TEAD1: variants seen among roughly 807,000 people sequenced by gnomAD.
The protein encoded by TEAD1 is transcriptional enhancer factor TEF-1.
In TEAD1, 9 loss-of-function variants were observed where a neutral mutation model predicts 54.9. The ratio of observed to expected loss-of-function variants is 0.16; its 90% CI spans 0.10 to 0.29. The LOEUF (loss-of-function observed/expected upper bound fraction) is 0.29, where lower values mean the gene tolerates loss of function less well. Among genes scored for constraint, TEAD1 ranks in the 10% least tolerant of loss-of-function variants. The pLI is 1.00. For missense variants in TEAD1, 387 were observed against 535.9 expected (o/e 0.72, Z 2.74); for synonymous variants, 200 against 187.8 (o/e 1.07, Z -0.53).
intron 3 of TEAD1, among the ~76,000 whole-genome samples, chr11:12,828,708 A>G (rs1946708556): frequency 6.8e-6 from 1 of 147,540 alleles, no homozygotes; most frequent in Non-Finnish European, 1.5e-5. Context: ...GTACCTATTA[A>G]CCAAAAAATC....
At chr11:12,892,707 A>G (rs1226647906) in intron 9 of TEAD1, among the ~76,000 whole-genome samples, 1 of 152,184 alleles carries the variant, frequency 6.6e-6, no homozygotes, top group Admixed American at 6.5e-5. Flanking sequence ...CCCGATTGCC[A>G]GGAGGGTTCT....
intron 2 of TEAD1, among the ~76,000 whole-genome samples, chr11:12,693,324 ATG>A (rs763951304): frequency 1.3e-5 from 2 of 152,208 alleles, no homozygotes; most frequent in Non-Finnish European, 2.9e-5. Flanking sequence ...ATTTAAGAGA[ATG>A]AGTTCCAATG....
chr11:12,874,468 A>G (rs2033901), intron 5 of TEAD1, among the ~76,000 whole-genome samples: 34,494 of 152,178 alleles, frequency 0.23, 5,421 homozygotes, highest in East Asian at 0.71. Flanking sequence ...AAAGGAGGCA[A>G]TCAGCAGAAC....
At chr11:12,719,993 T>TTTTTTTA (rs1944158888) in intron 2 of TEAD1, among the ~76,000 whole-genome samples, 1 of 58,936 alleles carries the variant, frequency 1.7e-5, no homozygotes, top group African/African-American at 1.8e-4. Context: ...TTTTTTTTTT[T>TTTTTTTA]TGGGGGGGGA....
At chr11:12,802,033 A>G (rs1946069754) in intron 3 of TEAD1, among the ~76,000 whole-genome samples, 1 of 152,212 alleles carries the variant, frequency 6.6e-6, no homozygotes, top group Non-Finnish European at 1.5e-5. Flanking sequence ...TTTTTGAGTC[A>G]CTTGAGGTGG....
chr11:12,937,286 C>T lies in TEAD1; in HGVS notation c.*64C>T, dbSNP rs911662783. ...ACACACATATGTGCACACACACACTCTCTCTCCATTATCGAACGACTGACT... is the reference window on the plus strand; with the variant it reads ...ACACACATATGTGCACACACACACTTTCTCTCCATTATCGAACGACTGACT... On this transcript the variant is annotated 3_prime_UTR_variant, in exon 13 of 13. Transcript: ENST00000527636. 97 of 1,302,898 alleles carry T rather than the reference C, an allele frequency of 7.4e-5. No homozygotes were observed. Among genetic ancestry groups the T allele is most frequent in the Non-Finnish European group, 9.7e-5 (88 of 909,742 alleles). 80.7% of individuals were successfully genotyped at this position (1,302,898 alleles called of 1,614,324 possible).
chr11:12,849,496 A>G (rs1339640804), intron 3 of TEAD1: 1 of 152,158 alleles, frequency 6.6e-6, no homozygotes, highest in Non-Finnish European at 1.5e-5. Context: ...TTATTAGATT[A>G]CTGAGTGCCT....
chr11:12,918,837 A>G (rs553156752), intron 10 of TEAD1, among the ~76,000 whole-genome samples: 3 of 152,334 alleles, frequency 2.0e-5, no homozygotes, highest in East Asian at 3.9e-4. Context: ...ATACAACAAC[A>G]TGGTTGAGTC....
At chr11:12,770,057 G>T (rs7117733) in intron 3 of TEAD1, among the ~76,000 whole-genome samples, 2,972 of 152,284 alleles carry the variant, frequency 0.02, 93 homozygotes, top group African/African-American at 0.069. Flanking sequence ...TTTTATGTTG[G>T]CAAATGTTAG....
At chr11:12,687,047 C>G (rs931473271) in intron 2 of TEAD1, among the ~76,000 whole-genome samples, 3 of 152,190 alleles carry the variant, frequency 2.0e-5, no homozygotes, top group African/African-American at 4.8e-5. Flanking sequence ...GTCTTGGTCT[C>G]TCCACTTCTA....
intron 3 of TEAD1, chr11:12,849,287 T>A (rs144858008): frequency 5.4e-4 from 82 of 152,246 alleles, no homozygotes; most frequent in African/African-American, 1.7e-3. Context: ...TGACCTCAAG[T>A]GATCCACCTG....
rs114385755 is a variant in TEAD1, at chr11:12,904,386, T to C, written c.873+2273T>C. ...CTACCTTAGTGAACTTCTCAGTACT[T>C]AAAGACTTTTCTGATGAGATCCACG... On this transcript the variant is annotated intron_variant, in intron 10 of 12. Coordinates refer to ENST00000527636, the MANE Select transcript of TEAD1 (RefSeq NM_021961.6). Among the ~76,000 whole-genome samples the C allele has an allele frequency of 1.9e-3, 286 of 152,332 alleles. 1 individual carries two copies. The highest frequency in any genetic ancestry group is 6.4e-3 in the African/African-American group (265 of 41,582).
At chr11:12,847,912 A>T (rs543874075) in intron 3 of TEAD1, among the ~76,000 whole-genome samples, 10 of 152,276 alleles carry the variant, frequency 6.6e-5, no homozygotes. Flanking sequence ...CTTGGTCATC[A>T]TCTCCAGTGG....
chr11:12,719,545 C>T (rs1440154461), intron 2 of TEAD1, among the ~76,000 whole-genome samples: 1 of 142,620 alleles, frequency 7.0e-6, no homozygotes, highest in Non-Finnish European at 1.5e-5. Flanking sequence ...ATTGCTGACT[C>T]TCCCCTTTCT....
chr11:12,795,164 A>G (rs1167405057), intron 3 of TEAD1, among the ~76,000 whole-genome samples: 1 of 152,170 alleles, frequency 6.6e-6, no homozygotes, highest in African/African-American at 2.4e-5. Flanking sequence ...CTTAAAGGCT[A>G]CTGTGTTGCC....
In TEAD1 at chr11:12,675,132, C is replaced by T. The variant is rs540958239; in HGVS notation, c.-207-277C>T. On this transcript the variant is annotated intron_variant, in intron 1 of 12. Transcript: ENST00000527636. ...GCCGCGCCGCGCCCCCCGCGCGCCC[C>T]CTCTCCCGCCGCCTGCACGCGCACA... Among the ~76,000 whole-genome samples, 7 of 148,876 alleles carry T rather than the reference C, an allele frequency of 4.7e-5. No homozygotes were observed. In the East Asian group the frequency reaches 1.4e-3, roughly 29 times the overall value.
chr11:12,780,788 T>C (rs1945525986), intron 3 of TEAD1, among the ~76,000 whole-genome samples: 1 of 152,218 alleles, frequency 6.6e-6, no homozygotes, highest in African/African-American at 2.4e-5. Flanking sequence ...TACAAATTGA[T>C]CTACAGATTC....
At chr11:12,730,452 A>G (rs182779956) in intron 2 of TEAD1, among the ~76,000 whole-genome samples, 948 of 76,414 alleles carry the variant, frequency 0.012, 9 homozygotes, top group African/African-American at 0.046. Flanking sequence ...TCCTAACGGT[A>G]TTCCATTTGG....
chr11:12,734,671 G>C (rs1944491306), intron 2 of TEAD1, among the ~76,000 whole-genome samples: 1 of 152,046 alleles, frequency 6.6e-6, no homozygotes, highest in Non-Finnish European at 1.5e-5. Flanking sequence ...ACTTACCATT[G>C]AGTTACAATT....
Sources: gnomAD v4.1 joint callset for allele counts (sites outside exome capture counted in the v4.1 genomes callset) on GRCh38, gnomAD v4.1.1 for gene constraint, MANE v1.5 for transcripts, NCBI Gene and HGNC (gene_info 2026-07-23, HGNC 2026-07-21) for gene names.